CNOT9: variants seen among roughly 807,000 people sequenced by gnomAD.
CNOT9 encodes RCD1 required for cell differentiation1 homolog.
A neutral mutation model predicts 37.4 loss-of-function variants in CNOT9; 8 were observed. The ratio of observed to expected loss-of-function variants is 0.21; its 90% CI spans 0.13 to 0.39. The LOEUF (loss-of-function observed/expected upper bound fraction) is 0.39, where lower values mean the gene tolerates loss of function less well. Among genes scored for constraint, CNOT9 ranks in the 10% least tolerant of loss-of-function variants. The pLI, the probability that CNOT9 is intolerant of heterozygous loss-of-function variation, is 1.00. For missense variants in CNOT9, 154 were observed against 365.3 expected (o/e 0.42, Z 4.71); for synonymous variants, 120 against 137.6 (o/e 0.87, Z 0.90).
Position 218,594,519 on chromosome 2 carries a change from C to G in CNOT9, c.*243C>G. 7.6e-6 allele frequency: 4 copies of G among 529,346 alleles called. No individual in the cohort carries two copies. The highest frequency in any genetic ancestry group is 1.0e-5 in the Non-Finnish European group (3 of 297,322). The allele number at this position is 529,346 out of a possible 1,614,324, so 32.8% of individuals were successfully genotyped here. ...CTCCTGACACAGCAGTCTGCCACCACAGCCCCAGGAGGGTGTCAACACCAG... is the reference window on the plus strand; with the variant it reads ...CTCCTGACACAGCAGTCTGCCACCAGAGCCCCAGGAGGGTGTCAACACCAG... On this transcript the variant is annotated 3_prime_UTR_variant, in exon 8 of 8. Coordinates refer to ENST00000273064, the MANE Select transcript of CNOT9 (RefSeq NM_005444.3).
At chr2:218,582,889 CT>C (rs111430766) in intron 2 of CNOT9, 81 bp from the exon 3 acceptor site, 169,928 of 612,734 alleles carry the variant, frequency 0.28, 6,050 homozygotes, top group African/African-American at 0.52. Flanking sequence ...TTTTATTTGC[CT>C]TTTTTTTTTT....
Position 218,592,141 on chromosome 2 carries a change from A to G in CNOT9, c.541-163A>G, listed in dbSNP as rs79599530. Among the ~76,000 whole-genome samples, 1,949 of 152,370 alleles carry G rather than the reference A, an allele frequency of 0.013. 48 individuals carry two copies. Among genetic ancestry groups the G allele is most frequent in the African/African-American group, 0.045 (1,861 of 41,580 alleles). ...AGTAATGTTCAACATGGTAATATTT[A>G]TTATTCTTTGTACTATACATATATG... On this transcript the variant is annotated intron_variant, in intron 5 of 7. Transcript: ENST00000273064. This position sits in a 1 kb window ranked among gnomAD's most constrained non-coding sequence, Gnocchi z 4.1.
At chr2:218,583,255 C>G (rs1385937611) in intron 3 of CNOT9, among the ~76,000 whole-genome samples, 169 bp downstream of exon 3, 164 of 61,748 alleles carry the variant, frequency 2.7e-3, no homozygotes, top group African/African-American at 8.3e-3. Context: ...CTCTCTCTCT[C>G]TCTCTCTCTC....
At chr2:218,579,963 CA>C (rs1694314968) in intron 1 of CNOT9, among the ~76,000 whole-genome samples, 1 of 149,938 alleles carries the variant, frequency 6.7e-6, no homozygotes, top group African/African-American at 2.5e-5. Context: ...GGACTACAGG[CA>C]TGCACCACCA....
Position 218,592,176 on chromosome 2 carries a change from T to C in CNOT9, c.541-128T>C. ...GTACTATACATATATGATAAAGTTG[T>C]ACATAATATACAAGGATCCCTGCTT... On this transcript the variant is annotated intron_variant, in intron 5 of 7. Transcript: ENST00000273064. The surrounding 1 kb of genome is among the most constrained non-coding windows in gnomAD (Gnocchi z 4.1). 3.0e-6 allele frequency: 2 copies of C among 669,312 alleles called. No individual in the cohort carries two copies. The highest frequency in any genetic ancestry group is 2.6e-5 in the East Asian group (1 of 38,750). 41.5% of individuals were successfully genotyped at this position (669,312 alleles called of 1,614,324 possible). A position where few individuals can be genotyped will look rare whatever the true frequency, so the allele number is the denominator to read the frequency against.
intron 5 of CNOT9, among the ~76,000 whole-genome samples, chr2:218,591,941 C>T (rs1171384705): frequency 2.0e-5 from 3 of 152,048 alleles, no homozygotes; most frequent in African/African-American, 2.4e-5. Context: ...ACAGTTATAC[C>T]GGGCACATAG....
intron 1 of CNOT9, chr2:218,572,665 A>G: frequency 1.0e-6 from 1 of 985,148 alleles, no homozygotes; most frequent in Non-Finnish European, 1.2e-6. Flanking sequence ...TTTGCATGCC[A>G]TAGGTATTCT....
intron 2 of CNOT9, 45 bp downstream of exon 2, chr2:218,580,785 CT>C: frequency 6.5e-7 from 1 of 1,529,004 alleles, no homozygotes. Flanking sequence ...TTTCATTACA[CT>C]TGTATATTTC....
chr2:218,591,861 G>A (rs779080495), intron 5 of CNOT9, among the ~76,000 whole-genome samples: 1 of 152,172 alleles, frequency 6.6e-6, no homozygotes, highest in Non-Finnish European at 1.5e-5. Flanking sequence ...ATATTCAAAT[G>A]AGGCTTGGAT....
rs1395406511 is a variant in CNOT9, at chr2:218,584,699, G to T, written c.408G>T (p.Arg136=). 1.9e-6 allele frequency: 3 copies of T among 1,612,020 alleles called. No individual in the cohort carries two copies. The highest frequency in any genetic ancestry group is 3.3e-5 in the Admixed American group (2 of 59,990). Residue 136 remains arginine (R), a synonymous_variant, in exon 4 of 8, where the codon CGG becomes CGT. Transcript: ENST00000273064. ...AAACACGTCCCTTTGAGTATCTCCG[G>T]CTCACCAGCCTTGGAGTTATTGGTA... ...VSKTRPFEYL[R]LTSLGVIGAL...
At chr2:218,582,618 A>C (rs1439309102) in intron 2 of CNOT9, among the ~76,000 whole-genome samples, 2 of 152,168 alleles carry the variant, frequency 1.3e-5, no homozygotes, top group African/African-American at 4.8e-5. Context: ...TGAACCTGGG[A>C]GGCAGAGCTT....
intron 1 of CNOT9, among the ~76,000 whole-genome samples, chr2:218,569,757 G>A (rs112314882): frequency 1.3e-5 from 2 of 152,212 alleles, no homozygotes; most frequent in East Asian, 1.9e-4. Flanking sequence ...TCTATGCCTG[G>A]AGTGAATGTT....
intron 1 of CNOT9, among the ~76,000 whole-genome samples, chr2:218,570,447 A>G (rs1414186672): frequency 6.6e-6 from 1 of 152,192 alleles, no homozygotes; most frequent in African/African-American, 2.4e-5. Flanking sequence ...CTCCTTTCAT[A>G]CTGTTTCTAA....
At chr2:218,576,032 A>C (rs1327463834) in intron 1 of CNOT9, among the ~76,000 whole-genome samples, 2 of 152,208 alleles carry the variant, frequency 1.3e-5, no homozygotes, top group Non-Finnish European at 2.9e-5. Context: ...TGAGGTTAAT[A>C]ACCACCATGT....
At chr2:218,581,051 T>C (rs1694355686) in intron 2 of CNOT9, 1 of 505,292 alleles carries the variant, frequency 2.0e-6, no homozygotes, top group African/African-American at 1.9e-5. Context: ...GCTTTAGGAG[T>C]ACTGTAAGAT....
At chr2:218,569,119 G>C (rs1693850902) in intron 1 of CNOT9, 141 bp downstream of exon 1, 1 of 890,858 alleles carries the variant, frequency 1.1e-6, no homozygotes, top group Non-Finnish European at 1.7e-6. Context: ...TCCCCTCCTC[G>C]GCACGCTTTG....
At chr2:218,573,682 A>G (rs535280506) in intron 1 of CNOT9, 1 of 152,460 alleles carries the variant, frequency 6.6e-6, no homozygotes, top group Admixed American at 6.5e-5. Context: ...ATTTATAAAC[A>G]TCTTTATACT....
At chr2:218,577,553 C>T (rs759994949) in intron 1 of CNOT9, among the ~76,000 whole-genome samples, 21 of 152,204 alleles carry the variant, frequency 1.4e-4, no homozygotes, top group Non-Finnish European at 2.5e-4. Context: ...TTTAGGAACC[C>T]GTGTACGCAC....
intron 1 of CNOT9, among the ~76,000 whole-genome samples, chr2:218,574,899 A>T (rs1255886659): frequency 6.6e-6 from 1 of 152,188 alleles, no homozygotes; most frequent in Non-Finnish European, 1.5e-5. Context: ...AATCTATTGA[A>T]GCGTACACTT....
Sources: gnomAD v4.1 joint callset for allele counts (sites outside exome capture counted in the v4.1 genomes callset) on GRCh38, gnomAD v4.1.1 for gene constraint, Gnocchi (gnomAD v3.1) non-coding constraint, MANE v1.5 for transcripts, NCBI Gene and HGNC (gene_info 2026-07-23, HGNC 2026-07-21) for gene names.